The following XKR6 variants were observed in gnomAD, a reference collection of about 807,000 sequenced individuals.
The protein encoded by XKR6 is XK-related protein 6.
Under a neutral mutation model 56.7 loss-of-function variants are expected in XKR6, and 22 were observed. The observed-to-expected ratio is 0.39, with a 90% CI of 0.28 to 0.55. XKR6 has a LOEUF of 0.55. Ranked by LOEUF, XKR6 falls within the 20% of genes least tolerant of loss-of-function variation. XKR6 has a pLI of 0.66. For missense variants in XKR6, 852 were observed against 889.0 expected (o/e 0.96, Z 0.53); for synonymous variants, 524 against 387.8 (o/e 1.35, Z -4.13).
At chr8:10,998,063 G>A (rs1176088120) in intron 1 of XKR6, among the ~76,000 whole-genome samples, 1 of 152,138 alleles carries the variant, frequency 6.6e-6, no homozygotes, top group Admixed American at 6.5e-5. Flanking sequence ...GCGTGCAGCA[G>A]GACAACAGGG....
intron 1 of XKR6, among the ~76,000 whole-genome samples, chr8:11,181,997 C>A (rs1803011239): frequency 6.6e-6 from 1 of 152,214 alleles, no homozygotes; most frequent in Non-Finnish European, 1.5e-5. Context: ...GTTGCCCAGG[C>A]TGGTCTTGAA....
chr8:11,091,667 A>C (rs1798078547), intron 1 of XKR6, among the ~76,000 whole-genome samples: 1 of 152,066 alleles, frequency 6.6e-6, no homozygotes, highest in Non-Finnish European at 1.5e-5. Context: ...GTTAAGTCTT[A>C]CAGAGGAGTT....
intron 1 of XKR6, among the ~76,000 whole-genome samples, chr8:11,197,789 G>C (rs909583458): frequency 1.3e-5 from 2 of 152,124 alleles, no homozygotes; most frequent in African/African-American, 4.8e-5. Context: ...TCAAGTATTT[G>C]CCATCTTGAC....
chr8:11,200,938 C>T lies in XKR6; in HGVS notation c.402G>A (p.Leu134=). Residue 134 remains leucine, a synonymous_variant, in exon 1 of 3, where the codon CTG becomes CTA. Transcript: ENST00000416569. The surrounding 1 kb of genome is among the most constrained non-coding windows in gnomAD (Gnocchi z 6.4). ...RPWLDCLWIV[L]ALLVFFGDVG... Reference sequence around the variant, plus strand: ...CGTCCCCGAAGAACACCAGCAGCGCCAGCACGATCCACAGGCAGTCGAGCC... The same window carrying T: ...CGTCCCCGAAGAACACCAGCAGCGCTAGCACGATCCACAGGCAGTCGAGCC... 1 of 1,603,620 alleles carries T rather than the reference C, an allele frequency of 6.2e-7. No homozygotes were observed. Among genetic ancestry groups the T allele is most frequent in the Non-Finnish European group, 8.5e-7 (1 of 1,177,940 alleles).
At chr8:11,089,125 T>C (rs1797985081) in intron 1 of XKR6, among the ~76,000 whole-genome samples, 1 of 151,738 alleles carries the variant, frequency 6.6e-6, no homozygotes, top group African/African-American at 2.4e-5. Flanking sequence ...GGCTGGAACA[T>C]CAGGTCCACT....
chr8:11,056,577 T>G (rs1244909488), intron 1 of XKR6, among the ~76,000 whole-genome samples: 1 of 152,198 alleles, frequency 6.6e-6, no homozygotes, highest in Admixed American at 6.5e-5. Flanking sequence ...CCTCTGGCTG[T>G]CTGACCCCAG....
chr8:11,119,127 G>C (rs1799322420), intron 1 of XKR6, among the ~76,000 whole-genome samples: 2 of 152,148 alleles, frequency 1.3e-5, no homozygotes, highest in Admixed American at 6.5e-5. Flanking sequence ...TTTTGAGTGA[G>C]TTTCTTAATC....
intron 1 of XKR6, among the ~76,000 whole-genome samples, chr8:11,151,822 T>TC (rs913537289): frequency 6.6e-6 from 1 of 152,006 alleles, no homozygotes; most frequent in African/African-American, 2.4e-5. Context: ...TCCCAGTAGC[T>TC]CCCATCAGCA....
At chr8:11,124,393 C>T (rs1211925306) in intron 1 of XKR6, 1 of 166,224 alleles carries the variant, frequency 6.0e-6, no homozygotes, top group African/African-American at 2.4e-5. Flanking sequence ...TCCAATGAAA[C>T]ATGGGATGTA....
At chr8:11,024,139 C>T (rs944379802) in intron 1 of XKR6, among the ~76,000 whole-genome samples, 1 of 151,930 alleles carries the variant, frequency 6.6e-6, no homozygotes, top group African/African-American at 2.4e-5. Context: ...TTCCCTCGCC[C>T]TCAAGTTTAA....
chr8:11,036,138 G>C (rs1454521752), intron 1 of XKR6, among the ~76,000 whole-genome samples: 2 of 151,552 alleles, frequency 1.3e-5, no homozygotes, highest in African/African-American at 2.4e-5. Flanking sequence ...TGTAGAGATG[G>C]GGTCTCACTG....
In XKR6 at chr8:11,145,005, A is replaced by G. The variant is rs540186889; in HGVS notation, c.764+55571T>C. ...GGAGGGATGGAGAAAGGGAGAAGGG[A>G]GGGAGGAAGGGAAAGAAGGGAGAAA... On this transcript the variant is annotated intron_variant, in intron 1 of 2. Transcript: ENST00000416569. Among the ~76,000 whole-genome samples the G allele has an allele frequency of 3.5e-5, 5 of 142,144 alleles. No homozygotes were observed. In the South Asian group the frequency reaches 1.3e-3, roughly 36 times the overall value. 93.3% of individuals were successfully genotyped at this position (142,144 alleles called of 152,430 possible).
chr8:11,103,336 CA>C (rs956995539), intron 1 of XKR6, among the ~76,000 whole-genome samples: 4 of 152,146 alleles, frequency 2.6e-5, no homozygotes, highest in Non-Finnish European at 5.9e-5. Flanking sequence ...TGAAGAGATT[CA>C]AACATTCAGG....
At chr8:11,193,832 A>G (rs1295331298) in intron 1 of XKR6, among the ~76,000 whole-genome samples, 1 of 148,500 alleles carries the variant, frequency 6.7e-6, no homozygotes, top group Non-Finnish European at 1.5e-5. Context: ...ATATTGCTTT[A>G]GCTTAATCTA....
rs1253319024 is a variant in XKR6, at chr8:11,200,462, C to T, written c.764+114G>A. The T allele has an allele frequency of 7.9e-6, 10 of 1,267,856 alleles. No homozygotes were observed. The highest frequency in any genetic ancestry group is 1.0e-5 in the Non-Finnish European group (10 of 992,440). The allele number at this position is 1,267,856 out of a possible 1,614,324, so 78.5% of individuals were successfully genotyped here. A position where few individuals can be genotyped will look rare whatever the true frequency, so the allele number is the denominator to read the frequency against. ...ACGCCAGGGGCGGCGCGCGGCCGGT[C>T]CCTCCTTCGAGCCCCCCGCGCTGGG... On this transcript the variant is annotated intron_variant, in intron 1 of 2. Coordinates refer to ENST00000416569, the MANE Select transcript of XKR6 (RefSeq NM_173683.4). The surrounding 1 kb of genome is among the most constrained non-coding windows in gnomAD (Gnocchi z 6.4).
intron 1 of XKR6, among the ~76,000 whole-genome samples, chr8:11,051,253 G>T (rs1799540436): frequency 6.6e-6 from 1 of 151,630 alleles, no homozygotes; most frequent in South Asian, 2.1e-4. Flanking sequence ...CACCCTGCTG[G>T]TTCCCCCACC....
chr8:11,081,347 A>T (rs901496491), intron 1 of XKR6, among the ~76,000 whole-genome samples: 3 of 152,226 alleles, frequency 2.0e-5, no homozygotes, highest in African/African-American at 7.2e-5. Flanking sequence ...GTTATCTGTC[A>T]TCCAATGTCA....
chr8:11,194,995 C>A (rs1202398012), intron 1 of XKR6: 2 of 577,670 alleles, frequency 3.5e-6, no homozygotes, highest in African/African-American at 1.9e-5. Flanking sequence ...TTTAGGGTTA[C>A]TGTTCACTCA....
chr8:10,993,798 C>T (rs971278657), intron 1 of XKR6, among the ~76,000 whole-genome samples: 1 of 152,192 alleles, frequency 6.6e-6, no homozygotes, highest in Admixed American at 6.5e-5. Context: ...GCTTCAGTTG[C>T]CCCCAAAGCC....
Sources: allele counts gnomAD v4.1 joint callset (sites outside exome capture counted in the v4.1 genomes callset), GRCh38; gene constraint gnomAD v4.1.1; non-coding constraint Gnocchi (gnomAD v3.1); transcripts MANE v1.5; gene names NCBI Gene and HGNC (gene_info 2026-07-23, HGNC 2026-07-21).